Variants in SMOX observed in about 807,000 individuals in gnomAD.
SMOX encodes spermine oxidase.
Under a neutral mutation model 51.0 loss-of-function variants are expected in SMOX, and 22 were observed. The observed-to-expected ratio is 0.43, with a 90% CI of 0.31 to 0.62. SMOX has a LOEUF of 0.62. Ranked by LOEUF, SMOX falls within the 20% of genes least tolerant of loss-of-function variation. The pLI is 0.10. For missense variants in SMOX, 566 were observed against 777.7 expected (o/e 0.73, Z 3.24); for synonymous variants, 282 against 307.8 (o/e 0.92, Z 0.88).
At chr20:4,178,707 G>T (rs1462940147) in intron 3 of SMOX, among the ~76,000 whole-genome samples, 1 of 147,748 alleles carries the variant, frequency 6.8e-6, no homozygotes, top group Non-Finnish European at 1.5e-5. Flanking sequence ...TTTTGAGACG[G>T]AGTTTCGCTC....
rs201504256 is a variant in SMOX, at chr20:4,175,278, G to C, written c.208+15G>C. The C allele has an allele frequency of 3.7e-6, 6 of 1,611,064 alleles. No homozygotes were observed. In the African/African-American group the frequency reaches 8.0e-5, roughly 21 times the overall value. On this transcript the variant is annotated intron_variant, in intron 2 of 6. Transcript: ENST00000305958. ...TGTGAAACTTGGTAAGTGCCACCCAGTCCAGCCCAGCCACCTCCCCAGGTC... is the reference window on the plus strand; with the variant it reads ...TGTGAAACTTGGTAAGTGCCACCCACTCCAGCCCAGCCACCTCCCCAGGTC...
chr20:4,181,122 T>C lies in SMOX; in HGVS notation c.436-681T>C, dbSNP rs1375690228. On this transcript the variant is annotated intron_variant, in intron 3 of 6. Coordinates refer to ENST00000305958, the MANE Select transcript of SMOX (RefSeq NM_175839.3). This position sits in a 1 kb window ranked among gnomAD's most constrained non-coding sequence, Gnocchi z 5.6. ...CGTTATCTGTTGATGAGGTGTGGGC[T>C]GGAGTTCTTGCTGAAACGTGCCCGT... Among the ~76,000 whole-genome samples the C allele has an allele frequency of 6.6e-6, 1 of 152,186 alleles. No homozygotes were observed. Among genetic ancestry groups the C allele is most frequent in the African/African-American group, 2.4e-5 (1 of 41,446 alleles).
In SMOX at chr20:4,181,469, C is replaced by T. The variant is rs1279161680; in HGVS notation, c.436-334C>T. On this transcript the variant is annotated intron_variant, in intron 3 of 6. Transcript: ENST00000305958. The surrounding 1 kb of genome is among the most constrained non-coding windows in gnomAD (Gnocchi z 5.6). ...GCCCATCCTCCAGTGGGAGGTGGAGCCCATGGAGGCCCATGCAGAGTCCAT... is the reference window on the plus strand; with the variant it reads ...GCCCATCCTCCAGTGGGAGGTGGAGTCCATGGAGGCCCATGCAGAGTCCAT... Among the ~76,000 whole-genome samples, 1 of 152,186 alleles carries T rather than the reference C, an allele frequency of 6.6e-6. No individual in the cohort carries two copies. The highest frequency in any genetic ancestry group is 1.5e-5 in the Non-Finnish European group (1 of 68,034).
At chr20:4,157,969 C>T (rs919862570) in intron 1 of SMOX, among the ~76,000 whole-genome samples, 27 of 152,130 alleles carry the variant, frequency 1.8e-4, no homozygotes, top group African/African-American at 3.6e-4. Flanking sequence ...GGCGCGATCT[C>T]GGCTCACTGC....
intron 1 of SMOX, among the ~76,000 whole-genome samples, chr20:4,157,416 G>A (rs1389250938): frequency 1.3e-5 from 2 of 152,172 alleles, no homozygotes; most frequent in Non-Finnish European, 2.9e-5. Flanking sequence ...GCCTGCAGAG[G>A]AGAAGAAAGA....
At chr20:4,163,025 G>T (rs1343159959) in intron 1 of SMOX, among the ~76,000 whole-genome samples, 2 of 152,198 alleles carry the variant, frequency 1.3e-5, no homozygotes, top group Non-Finnish European at 2.9e-5. Context: ...CAGCAGCGGG[G>T]TGGAGGGAGA....
chr20:4,150,074 C>T (rs900891781), intron 1 of SMOX, among the ~76,000 whole-genome samples: 3 of 152,246 alleles, frequency 2.0e-5, no homozygotes, highest in Non-Finnish European at 2.9e-5. Flanking sequence ...GTTACCTCCT[C>T]TCTCTCCAGT....
At chr20:4,156,719 G>A (rs988437324) in intron 1 of SMOX, among the ~76,000 whole-genome samples, 3 of 152,188 alleles carry the variant, frequency 2.0e-5, no homozygotes, top group Non-Finnish European at 4.4e-5. Flanking sequence ...GGGATCCCCA[G>A]GTAGCTGGGC....
Position 4,177,288 on chromosome 20 carries a change from G to A in SMOX, c.209-63G>A, listed in dbSNP as rs953729186. 3.6e-6 allele frequency: 5 copies of A among 1,376,554 alleles called. No homozygotes were observed. Among genetic ancestry groups the A allele is most frequent in the Middle Eastern group, 1.8e-4 (1 of 5,580 alleles). The allele number at this position is 1,376,554 out of a possible 1,614,324, so 85.3% of individuals were successfully genotyped here. On this transcript the variant is annotated intron_variant, in intron 2 of 6. Coordinates refer to ENST00000305958, the MANE Select transcript of SMOX (RefSeq NM_175839.3). The surrounding 1 kb of genome is among the most constrained non-coding windows in gnomAD (Gnocchi z 4.3). The stretch of plus-strand genomic sequence containing the variant: ...ACCCTCTTGGAGGAAGGAGGGGGAA[G>A]CAGTGCTGGCCCTCTCTGGAGAAGT...
rs892115622 is a variant in SMOX at position 4,172,731 on chromosome 20, C to T, written c.-26-2299C>T. On this transcript the variant is annotated intron_variant, in intron 1 of 6. Transcript: ENST00000305958. This position sits in a 1 kb window ranked among gnomAD's most constrained non-coding sequence, Gnocchi z 7.7. ...GCCACCTACCGGCCCTTTTGGGAAC[C>T]GATTCTGCACGGAGTTGGCGGGCCT... 1.1e-4 allele frequency among the ~76,000 whole-genome samples: 16 copies of T among 146,484 alleles called. No homozygotes were observed. Among genetic ancestry groups the T allele is most frequent in the Non-Finnish European group, 2.4e-4 (16 of 66,714 alleles).
At position 4,187,540 on chromosome 20, in the gene SMOX, C is replaced by A; in HGVS notation, c.*133C>A. ...TCTGTAGAGCTAGCCGCCCTGACTG[C>A]CTTCAGACCTGGCCCTGTAGCTTTT... On this transcript the variant is annotated 3_prime_UTR_variant, in exon 7 of 7. Transcript: ENST00000305958. The surrounding 1 kb of genome is among the most constrained non-coding windows in gnomAD (Gnocchi z 4.8). 7.6e-7 allele frequency: 1 copy of A among 1,315,042 alleles called. No homozygotes were observed. Among genetic ancestry groups the A allele is most frequent in the Non-Finnish European group, 1.0e-6 (1 of 967,094 alleles). 81.5% of individuals were successfully genotyped at this position (1,315,042 alleles called of 1,614,324 possible).
Position 4,187,369 on chromosome 20 carries a change from A to G in SMOX, c.1630A>G (p.Ile544Val). 6.2e-7 allele frequency: 1 copy of G among 1,614,124 alleles called. No individual in the cohort carries two copies. Among genetic ancestry groups the G allele is most frequent in the Non-Finnish European group, 8.5e-7 (1 of 1,180,016 alleles). The change falls in exon 7 of 7, where the codon ATT becomes GTT. Residue 544 changes from isoleucine (I) to valine (V), a missense_variant. Ile to Val is a conservative substitution (Grantham distance 29). Transcript: ENST00000305958. The surrounding 1 kb of genome is among the most constrained non-coding windows in gnomAD (Gnocchi z 4.8). ...LSGQREAARL[I>V]EMYRDLFQQG... ...CGGCCAGCGTGAGGCTGCCCGCCTC[A>G]TTGAGATGTACCGAGACCTCTTCCA...
chr20:4,173,516 C>G (rs1437065410), intron 1 of SMOX, among the ~76,000 whole-genome samples: 1 of 152,058 alleles, frequency 6.6e-6, no homozygotes. Flanking sequence ...CAGGCTGTTA[C>G]GAATATAGGT....
In SMOX at chr20:4,170,523, A is replaced by G. The variant is rs1986778799; in HGVS notation, c.-26-4507A>G. Among the ~76,000 whole-genome samples the G allele has an allele frequency of 6.6e-6, 1 of 151,902 alleles. No individual in the cohort carries two copies. The highest frequency in any genetic ancestry group is 2.4e-5 in the African/African-American group (1 of 41,348). ...ACTCTGTTGCCCAGGCTGGAGCACCATGGTGCCATCTCAGCTCACTGCAAC... is the reference window on the plus strand; with the variant it reads ...ACTCTGTTGCCCAGGCTGGAGCACCGTGGTGCCATCTCAGCTCACTGCAAC... On this transcript the variant is annotated intron_variant, in intron 1 of 6. Transcript: ENST00000305958. This position sits in a 1 kb window ranked among gnomAD's most constrained non-coding sequence, Gnocchi z 4.6.
intron 1 of SMOX, among the ~76,000 whole-genome samples, chr20:4,157,510 T>C (rs544589826): frequency 6.6e-6 from 1 of 151,944 alleles, no homozygotes; most frequent in South Asian, 2.1e-4. Context: ...AAGTCACAGG[T>C]TTGAGTCTGA....
chr20:4,176,825 A>G (rs1978893858), intron 2 of SMOX, among the ~76,000 whole-genome samples: 1 of 152,186 alleles, frequency 6.6e-6, no homozygotes, highest in Non-Finnish European at 1.5e-5. Flanking sequence ...TTCCCTGGAA[A>G]TGTGCTTTAG....
At chr20:4,157,540 G>T (rs891657881) in intron 1 of SMOX, among the ~76,000 whole-genome samples, 2 of 152,154 alleles carry the variant, frequency 1.3e-5, no homozygotes, top group Admixed American at 6.5e-5. Flanking sequence ...GATCCTGGTG[G>T]GTGTGTGTAG....
At chr20:4,155,423 G>T (rs567937258) in intron 1 of SMOX, among the ~76,000 whole-genome samples, 1 of 151,980 alleles carries the variant, frequency 6.6e-6, no homozygotes, top group East Asian at 1.9e-4. Flanking sequence ...AGTGGGGGGG[G>T]CCTGGATGCT....
chr20:4,176,391 A>T (rs1978853977), intron 2 of SMOX, among the ~76,000 whole-genome samples: 2 of 152,004 alleles, frequency 1.3e-5, no homozygotes, highest in Non-Finnish European at 2.9e-5. Flanking sequence ...AGGGAAACAG[A>T]CTCCACCTTC....
Sources: allele counts gnomAD v4.1 joint callset (sites outside exome capture counted in the v4.1 genomes callset), GRCh38; gene constraint gnomAD v4.1.1; non-coding constraint Gnocchi (gnomAD v3.1); transcripts MANE v1.5; gene names NCBI Gene and HGNC (gene_info 2026-07-23, HGNC 2026-07-21).